The following KCNIP4 variants were observed in gnomAD, a reference collection of about 807,000 sequenced individuals.
The protein encoded by KCNIP4 is potassium voltage-gated channel interacting protein 4.
Under a neutral mutation model 34.0 loss-of-function variants are expected in KCNIP4, and 12 were observed. That is an observed-to-expected ratio of 0.35 (90% confidence interval 0.23 to 0.57). The LOEUF (loss-of-function observed/expected upper bound fraction) is 0.57, where lower values mean the gene tolerates loss of function less well. Among genes scored for constraint, KCNIP4 ranks in the 20% least tolerant of loss-of-function variants. KCNIP4 has a pLI of 0.83. For missense variants in KCNIP4, 238 were observed against 311.7 expected, an observed-to-expected ratio of 0.76 and a Z score of 1.78; for synonymous variants, 124 against 102.2, an observed-to-expected ratio of 1.21 and a Z score of -1.29.
At chr4:21,306,625 T>C (rs78898782) in intron 1 of KCNIP4, among the ~76,000 whole-genome samples, 51 of 152,284 alleles carry the variant, frequency 3.3e-4, no homozygotes, top group Non-Finnish European at 6.3e-4. Flanking sequence ...TCAAGGATCT[T>C]TCTTCCTCCT....
At chr4:21,132,606 G>A (rs1560750984) in intron 1 of KCNIP4, among the ~76,000 whole-genome samples, 1 of 152,116 alleles carries the variant, frequency 6.6e-6, no homozygotes, top group African/African-American at 2.4e-5. Context: ...AGACATCTAT[G>A]GTTTTAAAGA....
At chr4:20,793,019 A>C (rs911206900) in intron 3 of KCNIP4, among the ~76,000 whole-genome samples, 2 of 152,238 alleles carry the variant, frequency 1.3e-5, no homozygotes, top group Non-Finnish European at 2.9e-5. Flanking sequence ...AATATCTTAA[A>C]AAGTTAAAAA....
intron 1 of KCNIP4, among the ~76,000 whole-genome samples, chr4:21,348,130 C>T (rs1717643616): frequency 6.6e-6 from 1 of 152,128 alleles, no homozygotes; most frequent in South Asian, 2.1e-4. Flanking sequence ...GTATCCTTAC[C>T]TGGATTTCAG....
intron 1 of KCNIP4, among the ~76,000 whole-genome samples, chr4:21,354,168 C>T (rs938300856): frequency 6.6e-6 from 1 of 152,158 alleles, no homozygotes; most frequent in Non-Finnish European, 1.5e-5. Flanking sequence ...GGGAAAGGAA[C>T]AACTGGTACC....
intron 2 of KCNIP4, among the ~76,000 whole-genome samples, chr4:20,860,215 C>T (rs537579913): frequency 1.0e-3 from 152 of 152,052 alleles, no homozygotes; most frequent in Non-Finnish European, 1.7e-3. Context: ...TCTTGACTCA[C>T]TGCAAGCTCC....
chr4:20,863,938 A>G (rs1279649080), intron 2 of KCNIP4, among the ~76,000 whole-genome samples: 1 of 152,002 alleles, frequency 6.6e-6, no homozygotes, highest in Non-Finnish European at 1.5e-5. Context: ...TCATGAGTGT[A>G]TATGTATATA....
chr4:21,029,802 C>A (rs767018893), intron 1 of KCNIP4, among the ~76,000 whole-genome samples: 1 of 152,136 alleles, frequency 6.6e-6, no homozygotes, highest in African/African-American at 2.4e-5. Flanking sequence ...AACTTGAGAG[C>A]CTTTAACTGC....
chr4:21,565,602 AG>A (rs1365646595), intron 1 of KCNIP4, among the ~76,000 whole-genome samples: 1 of 152,170 alleles, frequency 6.6e-6, no homozygotes, highest in Non-Finnish European at 1.5e-5. Flanking sequence ...ACATCCACAT[AG>A]TACCATCTCC....
At chr4:21,049,395 T>C (rs1742737029) in intron 1 of KCNIP4, among the ~76,000 whole-genome samples, 2 of 152,220 alleles carry the variant, frequency 1.3e-5, no homozygotes, top group Admixed American at 1.3e-4. Context: ...TGGTCTTTAA[T>C]ATTATGCAGC....
Position 20,850,552 on chromosome 4 carries a change from T to A in KCNIP4, c.279A>T (p.Gly93=). The A allele has an allele frequency of 6.2e-7, 1 of 1,612,726 alleles. No homozygotes were observed. Among genetic ancestry groups the A allele is most frequent in the East Asian group, 2.2e-5 (1 of 44,866 alleles). ...AAAAGAAAGTTCTTACATTCTTAAATCCTCTGTAAAGGATCTGAAGCTCTT... is the reference window on the plus strand; with the variant it reads ...AAAAGAAAGTTCTTACATTCTTAAAACCTCTGTAAAGGATCTGAAGCTCTT... ...TKKELQILYR[G]FKNECPSGVV... Residue 93 remains glycine (G), a synonymous_variant, in exon 3 of 9, where the codon GGA becomes GGT. Coordinates refer to ENST00000382152, the MANE Select transcript of KCNIP4 (RefSeq NM_025221.6).
chr4:20,761,628 G>C lies in KCNIP4; in HGVS notation c.289-2738C>G, dbSNP rs1754970726. Among the ~76,000 whole-genome samples, 3 of 152,156 alleles carry C rather than the reference G, an allele frequency of 2.0e-5. No individual in the cohort carries two copies. The South Asian group carries it at 6.2e-4, about 32-fold the overall frequency. On this transcript the variant is annotated intron_variant, in intron 3 of 8. Coordinates refer to ENST00000382152, the MANE Select transcript of KCNIP4 (RefSeq NM_025221.6). The stretch of plus-strand genomic sequence containing the variant: ...GAAAGTTGCCTGGGAGTTAAAAGTT[G>C]ATGCTGATAAAGGAAGAGGACTTCA...
intron 1 of KCNIP4, among the ~76,000 whole-genome samples, chr4:21,329,140 T>C (rs1449027235): frequency 2.6e-5 from 4 of 152,222 alleles, no homozygotes; most frequent in Admixed American, 6.5e-5. Context: ...AAGTGCTAAG[T>C]CTGTGTAAAA....
rs376629477 is a variant in KCNIP4 at position 21,543,165 on chromosome 4, C to A, written c.61+405406G>T. Among the ~76,000 whole-genome samples, 3 of 152,004 alleles carry A rather than the reference C, an allele frequency of 2.0e-5. No homozygotes were observed. In the East Asian group the frequency reaches 5.8e-4, roughly 29 times the overall value. The stretch of plus-strand genomic sequence containing the variant: ...ACAATAAAAAATAAATGTTTATCAA[C>A]TCTGTGATAAGCCTGAATTATTTTT... On this transcript the variant is annotated intron_variant, in intron 1 of 8. Transcript: ENST00000382152.
intron 1 of KCNIP4, among the ~76,000 whole-genome samples, chr4:21,235,556 C>G (rs1364474095): frequency 6.6e-6 from 1 of 152,144 alleles, no homozygotes; most frequent in East Asian, 1.9e-4. Context: ...TCAGAGATGC[C>G]AACTTGACTG....
intron 1 of KCNIP4, among the ~76,000 whole-genome samples, chr4:21,510,080 A>G (rs1734185479): frequency 1.0e-5 from 1 of 99,392 alleles, no homozygotes; most frequent in African/African-American, 3.3e-5. Context: ...TCCATCTCCA[A>G]AAAAAAAAAA....
In KCNIP4 at chr4:21,006,529, A is replaced by G. The variant is rs559259423; in HGVS notation, c.62-123820T>C. Among the ~76,000 whole-genome samples the G allele has an allele frequency of 3.3e-4, 51 of 152,332 alleles. 1 individual carries two copies. In the South Asian group the frequency reaches 9.5e-3, roughly 28 times the overall value. Reference sequence around the variant, plus strand: ...TCTAGGTGTCTCTTTTTAAGGGACCATAATCTACTGGGGAAAACAGATAAG... The same window carrying G: ...TCTAGGTGTCTCTTTTTAAGGGACCGTAATCTACTGGGGAAAACAGATAAG... On this transcript the variant is annotated intron_variant, in intron 1 of 8. Coordinates refer to ENST00000382152, the MANE Select transcript of KCNIP4 (RefSeq NM_025221.6).
At chr4:21,027,565 T>TTA (rs139421727) in intron 1 of KCNIP4, among the ~76,000 whole-genome samples, 3,983 of 148,698 alleles carry the variant, frequency 0.027, 160 homozygotes, top group African/African-American at 0.091. Flanking sequence ...ATAATGTATG[T>TTA]TATATATATT....
chr4:20,969,545 T>TGC (rs1418028841), intron 1 of KCNIP4, among the ~76,000 whole-genome samples: 5 of 145,498 alleles, frequency 3.4e-5, no homozygotes, highest in African/African-American at 1.4e-4. Flanking sequence ...GCAAATTTGC[T>TGC]GCGTGTGTGT....
intron 1 of KCNIP4, among the ~76,000 whole-genome samples, chr4:21,410,133 T>G (rs1724356390): frequency 6.6e-6 from 1 of 152,210 alleles, no homozygotes; most frequent in Non-Finnish European, 1.5e-5. Flanking sequence ...CTTACTATAT[T>G]TTGTTCAAAT....
Sources: gnomAD v4.1 joint callset for allele counts (sites outside exome capture counted in the v4.1 genomes callset) on GRCh38, gnomAD v4.1.1 for gene constraint, MANE v1.5 for transcripts, NCBI Gene and HGNC (gene_info 2026-07-23, HGNC 2026-07-21) for gene names.